The following IFT81 variants were observed in gnomAD, a reference collection of about 807,000 sequenced individuals.
IFT81 encodes intraflagellar transport 81.
IFT81 carries 72 observed loss-of-function variants against 102.6 expected under a neutral mutation model. The ratio of observed to expected loss-of-function variants is 0.70; its 90% confidence interval spans 0.58 to 0.85. The LOEUF is 0.85. Among genes scored for constraint, IFT81 ranks in the 40% least tolerant of loss-of-function variants. The pLI, the probability that IFT81 is intolerant of heterozygous loss-of-function variation, is 0.00. For synonymous variants in IFT81, 237 were observed against 242.7 expected, an observed-to-expected ratio of 0.98 and a Z score of 0.22; for missense variants, 723 against 787.3, an observed-to-expected ratio of 0.92 and a Z score of 0.98.
At chr12:110,153,857 A>T (rs952948369) in intron 10 of IFT81, among the ~76,000 whole-genome samples, 1 of 148,572 alleles carries the variant, frequency 6.7e-6, no homozygotes, top group African/African-American at 2.5e-5. Flanking sequence ...ACCTCAGCTG[A>T]TCCACCTGCC....
At chr12:110,144,668 GC>G (rs1252884708) in intron 9 of IFT81, among the ~76,000 whole-genome samples, 1 of 151,360 alleles carries the variant, frequency 6.6e-6, no homozygotes, top group East Asian at 2.0e-4. Flanking sequence ...GTGCCACCAT[GC>G]CTGGCCAATT....
rs770988000 is a variant in IFT81 at position 110,128,961 on chromosome 12, G to A, written c.260G>A (p.Arg87His). 33 of 1,613,002 alleles carry A rather than the reference G, an allele frequency of 2.0e-5. No homozygotes were observed. The highest frequency in any genetic ancestry group is 2.5e-5 in the Non-Finnish European group (30 of 1,179,652). The change falls in exon 4 of 19, where the codon CGT becomes CAT. Residue 87 changes from arginine (R) to histidine (H), a missense_variant. Arg to His is a conservative substitution (Grantham distance 29, BLOSUM62 0). Transcript: ENST00000242591. ...SGNATDMSTF[R>H]QGLVIGSKPV... ...TGTTTCTCTCTTAGGAGTACTTTTC[G>A]TCAGGGTTTGGTGATTGGAAGTAAA...
intron 18 of IFT81, among the ~76,000 whole-genome samples, chr12:110,213,192 C>T (rs1869688041): frequency 6.6e-6 from 1 of 152,126 alleles, no homozygotes; most frequent in Non-Finnish European, 1.5e-5. Context: ...TAATAAGAGT[C>T]CATACATTGT....
chr12:110,177,876 C>T (rs1430367107), intron 11 of IFT81, among the ~76,000 whole-genome samples: 24 of 150,190 alleles, frequency 1.6e-4, no homozygotes, highest in African/African-American at 3.5e-4. Context: ...GGGCGGATCA[C>T]CTGAGGTCAG....
chr12:110,198,062 A>T (rs1194441162), intron 14 of IFT81, among the ~76,000 whole-genome samples: 2 of 152,176 alleles, frequency 1.3e-5, no homozygotes, highest in Non-Finnish European at 2.9e-5. Context: ...GGTGGTTGTT[A>T]GTATTATAAT....
chr12:110,142,736 T>A (rs1453135608), intron 8 of IFT81, among the ~76,000 whole-genome samples: 1 of 151,110 alleles, frequency 6.6e-6, no homozygotes, highest in Non-Finnish European at 1.5e-5. Flanking sequence ...CAAAAAAAAA[T>A]ACAAAAATTA....
At chr12:110,213,752 T>A (rs1024218036) in intron 18 of IFT81, among the ~76,000 whole-genome samples, 1 of 152,230 alleles carries the variant, frequency 6.6e-6, no homozygotes, top group Non-Finnish European at 1.5e-5. Context: ...CCTTCAAAAG[T>A]AATCTTATGA....
chr12:110,162,754 A>G (rs901433142), intron 10 of IFT81, among the ~76,000 whole-genome samples, 165 bp from the exon 11 acceptor site: 11 of 152,148 alleles, frequency 7.2e-5, no homozygotes, highest in Non-Finnish European at 1.5e-4. Flanking sequence ...TTCATATTCA[A>G]TATAATTGGT....
intron 8 of IFT81, among the ~76,000 whole-genome samples, chr12:110,138,371 C>T (rs1156541633): frequency 1.3e-5 from 2 of 151,480 alleles, no homozygotes; most frequent in Non-Finnish European, 2.9e-5. Flanking sequence ...TTTAGTATGA[C>T]AGTATAATTT....
intron 13 of IFT81, 136 bp from the exon 14 acceptor site, chr12:110,192,481 C>T (rs1393906995): frequency 5.7e-6 from 3 of 526,906 alleles, no homozygotes; most frequent in African/African-American, 4.0e-5. Flanking sequence ...TAAAGCACTT[C>T]TCTGTTGTTT....
chr12:110,141,268 C>T (rs1894872324), intron 8 of IFT81, among the ~76,000 whole-genome samples: 1 of 152,048 alleles, frequency 6.6e-6, no homozygotes, highest in African/African-American at 2.4e-5. Flanking sequence ...AAACTCCCAA[C>T]CTCAGGTGAT....
At chr12:110,140,313 G>A (rs747482577) in intron 8 of IFT81, among the ~76,000 whole-genome samples, 3 of 151,900 alleles carry the variant, frequency 2.0e-5, no homozygotes, top group African/African-American at 4.8e-5. Flanking sequence ...TTTGACATAC[G>A]CATACACTGG....
Position 110,205,503 on chromosome 12 carries a change from T to G in IFT81, c.1705T>G (p.Cys569Gly), listed in dbSNP as rs761733306. The change falls in exon 16 of 19, where the codon TGT becomes GGT. Residue 569 changes from cysteine (C) to glycine (G), a missense_variant. Cys to Gly is a radical substitution (Grantham distance 159). Transcript: ENST00000242591. Reference protein sequence around the residue: ...QEESRYHYTNCMIKNLEVQLR... With the variant: ...QEESRYHYTNGMIKNLEVQLR... ...AGAAAGTAGATACCATTATACAAATTGTATGATTAAGGTAAGACAAAGTAG... is the reference window on the plus strand; with the variant it reads ...AGAAAGTAGATACCATTATACAAATGGTATGATTAAGGTAAGACAAAGTAG... The G allele has an allele frequency of 3.1e-6, 5 of 1,603,552 alleles. No individual in the cohort carries two copies. The highest frequency in any genetic ancestry group is 1.3e-5 in the African/African-American group (1 of 74,342).
chr12:110,136,923 C>A, intron 8 of IFT81, 63 bp downstream of exon 8: 2 of 1,014,496 alleles, frequency 2.0e-6, no homozygotes, highest in Non-Finnish European at 2.9e-6. Context: ...CACGATCTTC[C>A]TAAAAAATCA....
At chr12:110,154,371 C>T (rs1427076556) in intron 10 of IFT81, among the ~76,000 whole-genome samples, 6 of 151,338 alleles carry the variant, frequency 4.0e-5, no homozygotes, top group Non-Finnish European at 7.4e-5. Context: ...TGACTCACGC[C>T]TGTAGTCCCA....
intron 11 of IFT81, among the ~76,000 whole-genome samples, chr12:110,172,347 GCCTCTCCCCATGGTCTC>G (rs1042235174): frequency 7.9e-5 from 12 of 151,084 alleles, no homozygotes; most frequent in African/African-American, 1.7e-4. Flanking sequence ...CTCTGCCTCT[GCCTCTCCCCATGGTCTC>G]CCTCTCCCCA....
intron 8 of IFT81, among the ~76,000 whole-genome samples, chr12:110,138,713 G>A (rs931732902): frequency 1.3e-5 from 2 of 152,214 alleles, no homozygotes; most frequent in Admixed American, 1.3e-4. Flanking sequence ...GATTATAGGC[G>A]TAAGCCACTG....
At position 110,218,527 on chromosome 12, in the gene IFT81, G is replaced by GT. The variant is rs894787063; in HGVS notation, c.*310dup. The stretch of plus-strand genomic sequence containing the variant: ...ACATATGTCCATTAAGAAACATGTA[G>GT]TTTTTTTTTAGAATGTAATAACCCA... On this transcript the variant is annotated 3_prime_UTR_variant, in exon 19 of 19. Transcript: ENST00000242591. The GT allele has an allele frequency of 1.4e-3, 273 of 196,090 alleles. No individual in the cohort carries two copies. The highest frequency in any genetic ancestry group is 1.9e-3 in the Non-Finnish European group (184 of 97,994). The allele number at this position is 196,090 out of a possible 1,614,324, so 12.1% of individuals were successfully genotyped here.
chr12:110,205,903 T>C (rs1197323177), intron 17 of IFT81, among the ~76,000 whole-genome samples: 1 of 152,226 alleles, frequency 6.6e-6, no homozygotes, highest in Admixed American at 6.5e-5. Context: ...TGATAAAATA[T>C]ATAAAATTTG....
Sources: gnomAD v4.1 joint callset for allele counts (sites outside exome capture counted in the v4.1 genomes callset) on GRCh38, gnomAD v4.1.1 for gene constraint, MANE v1.5 for transcripts, NCBI Gene and HGNC (gene_info 2026-07-23, HGNC 2026-07-21) for gene names.